Variants in CSMD1 observed in about 807,000 individuals in gnomAD.
CSMD1 encodes the protein CUB and sushi domain-containing protein 1.
In CSMD1, 213 loss-of-function variants were observed where a neutral mutation model predicts 417.5. The ratio of observed to expected loss-of-function variants is 0.51; its 90% confidence interval spans 0.46 to 0.57. The LOEUF (loss-of-function observed/expected upper bound fraction) is 0.57, where lower values mean the gene tolerates loss of function less well. Ranked by LOEUF, CSMD1 falls within the 20% of genes least tolerant of loss-of-function variation. CSMD1 has a pLI of 0.00. For synonymous variants in CSMD1, 2,862 were observed against 1,736.8 expected (o/e 1.65, Z -16.11); for missense variants, 6,923 against 4,529.7 (o/e 1.53, Z -15.17).
chr8:4,562,379 G>A (rs17070626), intron 2 of CSMD1, among the ~76,000 whole-genome samples: 12,216 of 152,136 alleles, frequency 0.08, 1,603 homozygotes, highest in African/African-American at 0.28. Context: ...AAAGACTGAG[G>A]CATGAACCTA....
intron 3 of CSMD1, among the ~76,000 whole-genome samples, chr8:4,390,770 T>A (rs1164309725): frequency 1.3e-5 from 2 of 151,840 alleles, no homozygotes; most frequent in African/African-American, 4.8e-5. Flanking sequence ...CTCAATCTTC[T>A]GACCTCGTGA....
intron 9 of CSMD1, among the ~76,000 whole-genome samples, chr8:3,583,708 G>A (rs1424566329): frequency 6.6e-6 from 1 of 152,078 alleles, no homozygotes; most frequent in East Asian, 1.9e-4. Context: ...GGCAAAAGAG[G>A]CTGCCATTTG....
At chr8:4,632,030 T>C (rs10503267) in intron 2 of CSMD1, among the ~76,000 whole-genome samples, 15,910 of 152,248 alleles carry the variant, frequency 0.1, 882 homozygotes, top group Non-Finnish European at 0.12. Flanking sequence ...GATGTCAACG[T>C]CAATTGTTTC....
At chr8:4,753,344 T>G (rs892259670) in intron 1 of CSMD1, among the ~76,000 whole-genome samples, 2 of 151,900 alleles carry the variant, frequency 1.3e-5, no homozygotes, top group Admixed American at 1.3e-4. Context: ...CACTGTCTGC[T>G]TTCATTTTGT....
chr8:3,543,968 G>A (rs531628762), intron 10 of CSMD1, among the ~76,000 whole-genome samples: 2 of 152,280 alleles, frequency 1.3e-5, no homozygotes, highest in East Asian at 3.9e-4. Context: ...AACTGAGAAA[G>A]CAGAAAGAGT....
intron 4 of CSMD1, among the ~76,000 whole-genome samples, chr8:4,023,952 C>T (rs751219347): frequency 9.2e-5 from 14 of 151,648 alleles, no homozygotes; most frequent in Non-Finnish European, 1.3e-4. Flanking sequence ...ACTTTAGATA[C>T]ATTAAGAGCG....
intron 2 of CSMD1, among the ~76,000 whole-genome samples, chr8:4,613,228 G>C (rs1022700003): frequency 6.6e-6 from 1 of 152,164 alleles, no homozygotes; most frequent in South Asian, 2.1e-4. Context: ...TGTTGAGTGT[G>C]TACAAATTGT....
chr8:4,467,793 A>G (rs73660876), intron 2 of CSMD1, among the ~76,000 whole-genome samples: 3,746 of 152,308 alleles, frequency 0.025, 137 homozygotes, highest in African/African-American at 0.087. Flanking sequence ...TATTTCTTAT[A>G]TGGGGAAAGA....
intron 26 of CSMD1, among the ~76,000 whole-genome samples, chr8:3,247,332 G>T (rs549395417): frequency 6.6e-6 from 1 of 152,154 alleles, no homozygotes; most frequent in Non-Finnish European, 1.5e-5. Context: ...GACTCCTCCT[G>T]CTCCTGGCCC....
At chr8:3,926,027 A>G (rs1455210586) in intron 5 of CSMD1, among the ~76,000 whole-genome samples, 1 of 135,106 alleles carries the variant, frequency 7.4e-6, no homozygotes, top group East Asian at 2.1e-4. Context: ...ACACACACAC[A>G]CACACACACA....
chr8:3,129,639 G>T (rs1817686096), intron 41 of CSMD1, among the ~76,000 whole-genome samples: 1 of 148,722 alleles, frequency 6.7e-6, no homozygotes, highest in African/African-American at 2.5e-5. Flanking sequence ...GCCAGGCATG[G>T]TGACACACAC....
intron 3 of CSMD1, among the ~76,000 whole-genome samples, chr8:4,398,085 AG>A (rs1484962737): frequency 2.6e-5 from 4 of 152,212 alleles, no homozygotes; most frequent in Admixed American, 6.5e-5. Context: ...TTATCAGTCA[AG>A]GAAGAGATAT....
intron 18 of CSMD1, among the ~76,000 whole-genome samples, chr8:3,376,453 A>C (rs1481960994): frequency 3.3e-5 from 5 of 152,016 alleles, no homozygotes; most frequent in Admixed American, 6.5e-5. Flanking sequence ...CTTATTCATA[A>C]TAAAAAAGAT....
At chr8:4,839,960 A>T (rs1221159928) in intron 1 of CSMD1, among the ~76,000 whole-genome samples, 1 of 152,196 alleles carries the variant, frequency 6.6e-6, no homozygotes, top group Non-Finnish European at 1.5e-5. Context: ...AAAAGTCTTC[A>T]GTGTTTGCAA....
intron 5 of CSMD1, among the ~76,000 whole-genome samples, chr8:3,843,651 A>T (rs1006318664): frequency 3.3e-5 from 5 of 152,190 alleles, no homozygotes; most frequent in Non-Finnish European, 5.9e-5. Context: ...ATGCATTTTC[A>T]AAGAGACAGG....
intron 26 of CSMD1, chr8:3,278,257 G>A (rs965622135): frequency 3.3e-5 from 5 of 152,190 alleles, no homozygotes; most frequent in African/African-American, 1.2e-4. Context: ...AGATAGAGAG[G>A]TAGTGCAACC....
chr8:3,886,419 A>G (rs1806567164), intron 5 of CSMD1, among the ~76,000 whole-genome samples: 1 of 152,194 alleles, frequency 6.6e-6, no homozygotes, highest in African/African-American at 2.4e-5. Flanking sequence ...AGTGATTTAG[A>G]ATGTAATCGA....
chr8:4,675,564 C>T (rs975324674), intron 1 of CSMD1, among the ~76,000 whole-genome samples: 1 of 152,004 alleles, frequency 6.6e-6, no homozygotes, highest in Non-Finnish European at 1.5e-5. Context: ...AATGTAGAGA[C>T]AATAAAGGCC....
At position 4,903,059 on chromosome 8, in the gene CSMD1, G is replaced by A. The variant is rs184698325; in HGVS notation, c.85+91273C>T. 9.3e-4 allele frequency among the ~76,000 whole-genome samples: 141 copies of A among 151,278 alleles called. 1 individual carries two copies. Among genetic ancestry groups the A allele is most frequent in the South Asian group, 5.8e-3 (28 of 4,792 alleles). On this transcript the variant is annotated intron_variant, in intron 1 of 69. Coordinates refer to ENST00000635120, the MANE Select transcript of CSMD1 (RefSeq NM_033225.6). The stretch of plus-strand genomic sequence containing the variant: ...AATAATAAACTAAATAATAAACTTT[G>A]AATACTGTCATGTATTAGATATACG...
Sources: gnomAD v4.1 joint callset for allele counts (sites outside exome capture counted in the v4.1 genomes callset) on GRCh38, gnomAD v4.1.1 for gene constraint, MANE v1.5 for transcripts, NCBI Gene and HGNC (gene_info 2026-07-23, HGNC 2026-07-21) for gene names.